Variants in ALPL observed in about 807,000 individuals in gnomAD.
ALPL encodes alkaline phosphatase, biomineralization associated.
Under a neutral mutation model 51.3 loss-of-function variants are expected in ALPL, and 42 were observed. The ratio of observed to expected loss-of-function variants is 0.82; its 90% confidence interval spans 0.64 to 1.06. The LOEUF is 1.06. Ranked by LOEUF, ALPL falls within the 50% of genes least tolerant of loss-of-function variation. The pLI, the probability that ALPL is intolerant of heterozygous loss-of-function variation, is 0.00. For missense variants in ALPL, 589 were observed against 709.4 expected (o/e 0.83, Z 1.93); for synonymous variants, 279 against 296.4 (o/e 0.94, Z 0.60).
At chr1:21,553,545 G>A (rs1247011124) in intron 1 of ALPL, among the ~76,000 whole-genome samples, 3 of 152,232 alleles carry the variant, frequency 2.0e-5, no homozygotes, top group Non-Finnish European at 4.4e-5. Flanking sequence ...AAGCAGCAAA[G>A]CAGCAGCTTC....
chr1:21,555,517 A>G lies in ALPL; in HGVS notation c.61+1375A>G, dbSNP rs183627145. On this transcript the variant is annotated intron_variant, in intron 2 of 11. Coordinates refer to ENST00000374840, the MANE Select transcript of ALPL (RefSeq NM_000478.6). ...CTGCAACCTTCGCCACCCAGGTTCA[A>G]GTGATCCTCCTGCCTCAGCCTCCTG... is the stretch of plus-strand genomic sequence containing the variant. Among the ~76,000 whole-genome samples, 126 of 151,884 alleles carry G rather than the reference A, an allele frequency of 8.3e-4. 1 individual carries two copies. In the East Asian group the frequency reaches 0.022, roughly 26 times the overall value.
chr1:21,543,949 G>T (rs6689674), intron 1 of ALPL, among the ~76,000 whole-genome samples: 1,760 of 152,288 alleles, frequency 0.012, 41 homozygotes, highest in African/African-American at 0.04. Context: ...GGGCTTGGAT[G>T]GGGAAGGCCC....
chr1:21,575,051 G>A (rs764525852), intron 9 of ALPL, among the ~76,000 whole-genome samples: 15 of 152,254 alleles, frequency 9.9e-5, no homozygotes, highest in Non-Finnish European at 2.1e-4. Flanking sequence ...GGAAGCGGGG[G>A]CGGAGGCTGC....
intron 8 of ALPL, among the ~76,000 whole-genome samples, chr1:21,572,009 G>T (rs1469461117): frequency 6.6e-6 from 1 of 151,690 alleles, no homozygotes; most frequent in Admixed American, 6.6e-5. Flanking sequence ...AAGAAAGAAA[G>T]AAAACATTAG....
intron 9 of ALPL, chr1:21,574,226 C>T (rs952520425): frequency 3.0e-6 from 3 of 984,886 alleles, no homozygotes; most frequent in Non-Finnish European, 3.6e-6. Context: ...GAATTCTTGG[C>T]CTGGCGCTGC....
intron 1 of ALPL, among the ~76,000 whole-genome samples, chr1:21,513,184 A>G (rs1156869500): frequency 6.6e-6 from 1 of 152,028 alleles, no homozygotes; most frequent in Non-Finnish European, 1.5e-5. Flanking sequence ...GGCTCGGTCA[A>G]CTGGGCTCTT....
chr1:21,544,996 C>T lies in ALPL; in HGVS notation c.-104-8982C>T, dbSNP rs115144853. On this transcript the variant is annotated intron_variant, in intron 1 of 11. Coordinates refer to ENST00000374840, the MANE Select transcript of ALPL (RefSeq NM_000478.6). ...AAATAACCTAAAGTCTTTATTCCCA[C>T]CTTACAAAACCCACTGTCCTACTGT... Among the ~76,000 whole-genome samples the T allele has an allele frequency of 8.6e-3, 1,309 of 152,054 alleles. 26 individuals are homozygous for T. Among genetic ancestry groups the T allele is most frequent in the African/African-American group, 0.03 (1,256 of 41,444 alleles).
chr1:21,536,057 C>T (rs964539438), intron 1 of ALPL, among the ~76,000 whole-genome samples: 3 of 152,220 alleles, frequency 2.0e-5, no homozygotes, highest in African/African-American at 4.8e-5. Context: ...CCTGCAAGTC[C>T]TGTCACAGGG....
chr1:21,527,588 TGCTCA>T (rs1643965511), intron 1 of ALPL, among the ~76,000 whole-genome samples: 1 of 151,398 alleles, frequency 6.6e-6, no homozygotes, highest in Non-Finnish European at 1.5e-5. Flanking sequence ...TTGGCTCTGT[TGCTCA>T]GGCTCAAGTG....
At chr1:21,552,818 C>T (rs910536462) in intron 1 of ALPL, among the ~76,000 whole-genome samples, 1 of 152,142 alleles carries the variant, frequency 6.6e-6, no homozygotes, top group African/African-American at 2.4e-5. Flanking sequence ...ACTTTTCTAA[C>T]GGTAGAGTGT....
At chr1:21,550,625 C>T (rs1644308262) in intron 1 of ALPL, among the ~76,000 whole-genome samples, 2 of 152,084 alleles carry the variant, frequency 1.3e-5, no homozygotes, top group Admixed American at 1.3e-4. Context: ...CTGAACCCAC[C>T]GTGTAACCAG....
Position 21,564,298 on chromosome 1 carries a change from C to CT in ALPL, c.648+82_648+83insT. ...AGGAGGCCTCAGGCCCAGGCTGGCC[C>CT]GGAGAAAGCAGCCTGGCCTGGCTCC... On this transcript the variant is annotated intron_variant, in intron 6 of 11. Transcript: ENST00000374840. This position sits in a 1 kb window ranked among gnomAD's most constrained non-coding sequence, Gnocchi z 5.8. The CT allele has an allele frequency of 6.4e-7, 1 of 1,556,590 alleles. No homozygotes were observed.
Position 21,573,763 on chromosome 1 carries a change from C to CG in ALPL, c.963dup (p.Lys322GlufsTer16). 6.2e-7 allele frequency: 1 copy of CG among 1,614,114 alleles called. No individual in the cohort carries two copies. The highest frequency in any genetic ancestry group is 8.5e-7 in the Non-Finnish European group (1 of 1,180,032). On this transcript the variant is annotated frameshift_variant, in exon 9 of 12. Transcript: ENST00000374840. LOFTEE classifies it high-confidence loss of function. ...GGTGGTGGTGGCCATCCAGATCCTG[C>CG]GGAAGAACCCCAAAGGCTTCTTCTT...
chr1:21,538,739 G>A (rs1348956836), intron 1 of ALPL, among the ~76,000 whole-genome samples: 1 of 151,680 alleles, frequency 6.6e-6, no homozygotes, highest in Non-Finnish European at 1.5e-5. Flanking sequence ...ACCTGGCCGG[G>A]GGCAGAGCCA....
At chr1:21,538,345 G>A (rs745588396) in intron 1 of ALPL, among the ~76,000 whole-genome samples, 3 of 152,158 alleles carry the variant, frequency 2.0e-5, no homozygotes, top group African/African-American at 4.8e-5. Flanking sequence ...GAGATCAAAC[G>A]CAAAAGCCAC....
chr1:21,535,047 G>C (rs1438106094), intron 1 of ALPL, among the ~76,000 whole-genome samples: 1 of 152,190 alleles, frequency 6.6e-6, no homozygotes, highest in Non-Finnish European at 1.5e-5. Flanking sequence ...GGGCTGTTAT[G>C]TTCAGCACCT....
At chr1:21,519,268 C>T (rs1643857781) in intron 1 of ALPL, among the ~76,000 whole-genome samples, 1 of 152,252 alleles carries the variant, frequency 6.6e-6, no homozygotes, top group South Asian at 2.1e-4. Context: ...GGTTCCTACC[C>T]CACACCTGGG....
chr1:21,554,061 A>G lies in ALPL; in HGVS notation c.-21A>G. 6.2e-7 allele frequency: 1 copy of G among 1,612,630 alleles called. No homozygotes were observed. Among genetic ancestry groups the G allele is most frequent in the South Asian group, 1.1e-5 (1 of 91,038 alleles). On this transcript the variant is annotated 5_prime_UTR_variant, in exon 2 of 12. Transcript: ENST00000374840. ...ATTGCATCTCTGGGCTCCAGGGATA[A>G]AGCAGGTCTTGGGGTGCACCATGAT...
At chr1:21,563,349 G>T in intron 5 of ALPL, 65 bp downstream of exon 5, 1 of 1,536,022 alleles carries the variant, frequency 6.5e-7, no homozygotes, top group South Asian at 1.2e-5. Flanking sequence ...CAGTCTTTCT[G>T]ACTGTGTCAT....
Sources: allele counts gnomAD v4.1 joint callset (sites outside exome capture counted in the v4.1 genomes callset), GRCh38; gene constraint gnomAD v4.1.1; non-coding constraint Gnocchi (gnomAD v3.1); transcripts MANE v1.5; gene names NCBI Gene and HGNC (gene_info 2026-07-23, HGNC 2026-07-21).